Variants in DNAJC3 observed in about 807,000 individuals in gnomAD.
DNAJC3 encodes the protein dnaJ homolog subfamily C member 3.
In DNAJC3, 38 loss-of-function variants were observed where a neutral mutation model predicts 68.6. The ratio of observed to expected loss-of-function variants is 0.55; its 90% CI spans 0.43 to 0.73. The LOEUF is 0.73. DNAJC3 is among the 30% of genes least tolerant of loss of function. The pLI, the probability that DNAJC3 is intolerant of heterozygous loss-of-function variation, is 0.00. For synonymous variants in DNAJC3, 203 were observed against 204.0 expected (o/e 1.00, Z 0.04); for missense variants, 526 against 591.9 (o/e 0.89, Z 1.16).
At chr13:95,678,845 C>T (rs1343457561) in intron 1 of DNAJC3, among the ~76,000 whole-genome samples, 4 of 152,128 alleles carry the variant, frequency 2.6e-5, no homozygotes, top group Admixed American at 2.6e-4. Context: ...CATTTCCCTC[C>T]TGTGGTATTT....
chr13:95,681,581 T>C (rs1375484937), intron 1 of DNAJC3, among the ~76,000 whole-genome samples: 1 of 152,160 alleles, frequency 6.6e-6, no homozygotes, highest in Non-Finnish European at 1.5e-5. Flanking sequence ...CTTGAACTCC[T>C]GGGCTCAAGC....
At chr13:95,788,497 T>TA (rs1407170219) in intron 11 of DNAJC3, among the ~76,000 whole-genome samples, 15 of 152,250 alleles carry the variant, frequency 9.9e-5, no homozygotes, top group South Asian at 8.3e-4. Context: ...TTAAAGACTT[T>TA]AAAGTTTTTT....
intron 1 of DNAJC3, among the ~76,000 whole-genome samples, chr13:95,685,423 T>C (rs1004118925): frequency 1.3e-4 from 20 of 152,356 alleles, no homozygotes; most frequent in South Asian, 8.3e-4. Flanking sequence ...ATCTTGGAAG[T>C]AATTAACTTG....
intron 4 of DNAJC3, among the ~76,000 whole-genome samples, chr13:95,737,759 C>T (rs796511684): frequency 6.8e-6 from 1 of 146,650 alleles, no homozygotes; most frequent in African/African-American, 2.6e-5. Flanking sequence ...TTTGTTGATC[C>T]TTTCAAAAAA....
At chr13:95,746,377 A>G (rs565265468) in intron 4 of DNAJC3, among the ~76,000 whole-genome samples, 1 of 152,308 alleles carries the variant, frequency 6.6e-6, no homozygotes, top group East Asian at 1.9e-4. Context: ...ACCTTCTCAA[A>G]AAAAGTGTAA....
chr13:95,769,769 G>C (rs528493548), intron 9 of DNAJC3, among the ~76,000 whole-genome samples: 2 of 152,284 alleles, frequency 1.3e-5, no homozygotes, highest in South Asian at 4.2e-4. Flanking sequence ...CATTTCTTTT[G>C]AAAAGTGTGT....
chr13:95,767,375 ATAG>A, intron 9 of DNAJC3, among the ~76,000 whole-genome samples: 1 of 152,326 alleles, frequency 6.6e-6, no homozygotes, highest in South Asian at 2.1e-4. Flanking sequence ...TTAAGGCTGA[ATAG>A]TATTCCATTG....
chr13:95,742,685 C>G (rs1480040501), intron 4 of DNAJC3: 1 of 518,982 alleles, frequency 1.9e-6, no homozygotes, highest in Admixed American at 1.9e-5. Flanking sequence ...CCTAGATGAT[C>G]TATACTTGCT....
chr13:95,698,210 ATTTG>A (rs1880499344), intron 1 of DNAJC3, among the ~76,000 whole-genome samples: 3 of 151,200 alleles, frequency 2.0e-5, no homozygotes, highest in Non-Finnish European at 4.4e-5. Flanking sequence ...CAGGTTTTAT[ATTTG>A]TTGTGCAATT....
chr13:95,752,234 A>G (rs1882501851), intron 4 of DNAJC3, among the ~76,000 whole-genome samples: 1 of 152,210 alleles, frequency 6.6e-6, no homozygotes, highest in Non-Finnish European at 1.5e-5. Context: ...GAGGTCACCA[A>G]AGAGCTTTGT....
At chr13:95,677,798 C>T (rs1273039002) in intron 1 of DNAJC3, among the ~76,000 whole-genome samples, 2 of 152,154 alleles carry the variant, frequency 1.3e-5, no homozygotes, top group African/African-American at 2.4e-5. Context: ...GTGTCATGTC[C>T]GGCTGGGAGT....
intron 9 of DNAJC3, among the ~76,000 whole-genome samples, chr13:95,780,804 G>A (rs1008186553): frequency 2.6e-5 from 4 of 152,224 alleles, no homozygotes; most frequent in African/African-American, 9.7e-5. Context: ...GGGAACACCT[G>A]TTAGGAAACT....
At chr13:95,755,889 C>T (rs1223494169) in intron 4 of DNAJC3, among the ~76,000 whole-genome samples, 1 of 149,020 alleles carries the variant, frequency 6.7e-6, no homozygotes, top group Non-Finnish European at 1.5e-5. Flanking sequence ...TCCTTTCTTA[C>T]TTCCTTGGAA....
chr13:95,774,841 A>C (rs1883253724), intron 9 of DNAJC3, among the ~76,000 whole-genome samples: 1 of 152,142 alleles, frequency 6.6e-6, no homozygotes, highest in Non-Finnish European at 1.5e-5. Flanking sequence ...TCATTCATTT[A>C]CTTTGAGTGT....
At chr13:95,746,909 T>G (rs2139663519) in intron 4 of DNAJC3, among the ~76,000 whole-genome samples, 1 of 152,344 alleles carries the variant, frequency 6.6e-6, no homozygotes, top group African/African-American at 2.4e-5. Flanking sequence ...AAGTATCTCC[T>G]CAGGTTCATA....
Position 95,760,146 on chromosome 13 carries a change from A to C in DNAJC3, c.653A>C (p.Lys218Thr), listed in dbSNP as rs1033565278. ...ISDLKAASKL[K>T]NDNTEAFYKI... ...GACTTAAAAGCTGCGTCAAAGTTGA[A>C]GAATGATAATACTGAAGCGTTTTAT... is the stretch of plus-strand genomic sequence containing the variant. Residue 218 changes from lysine (K) to threonine (T), a missense_variant, in exon 6 of 12, where the codon AAG becomes ACG. Transcript: ENST00000602402. 9 of 1,612,978 alleles carry C rather than the reference A, an allele frequency of 5.6e-6. No homozygotes were observed. The highest frequency in any genetic ancestry group is 7.6e-6 in the Non-Finnish European group (9 of 1,179,440).
chr13:95,727,989 A>T (rs1881584503), intron 4 of DNAJC3, among the ~76,000 whole-genome samples: 1 of 152,212 alleles, frequency 6.6e-6, no homozygotes, highest in Non-Finnish European at 1.5e-5. Context: ...AATCTTACAT[A>T]ACTGGAATCA....
intron 11 of DNAJC3, 122 bp from the exon 12 acceptor site, chr13:95,790,751 T>C: frequency 8.7e-7 from 1 of 1,148,258 alleles, no homozygotes; most frequent in South Asian, 1.5e-5. Flanking sequence ...GGCACAACTC[T>C]TGATAACCGA....
intron 1 of DNAJC3, among the ~76,000 whole-genome samples, chr13:95,702,358 G>T (rs1187363414): frequency 6.6e-6 from 1 of 152,138 alleles, no homozygotes; most frequent in Non-Finnish European, 1.5e-5. Flanking sequence ...AAGGAGAAAT[G>T]CGTTGGCTAC....
Sources: allele counts gnomAD v4.1 joint callset (sites outside exome capture counted in the v4.1 genomes callset), GRCh38; gene constraint gnomAD v4.1.1; transcripts MANE v1.5; gene names NCBI Gene and HGNC (gene_info 2026-07-23, HGNC 2026-07-21).